The following ROBO2 variants were observed in gnomAD, a reference collection of about 807,000 sequenced individuals.
ROBO2 encodes the protein roundabout homolog 2.
A neutral mutation model predicts 160.8 loss-of-function variants in ROBO2; 53 were observed. The observed-to-expected ratio is 0.33, with a 90% CI of 0.26 to 0.41. The LOEUF is 0.41. ROBO2 is among the 10% of genes least tolerant of loss of function. The pLI is 1.00. For missense variants in ROBO2, 1,577 were observed against 1,722.4 expected (o/e 0.92, Z 1.49); for synonymous variants, 664 against 611.7 (o/e 1.09, Z -1.26).
chr3:76,117,932 C>T (rs185623093), intron 2 of ROBO2, among the ~76,000 whole-genome samples: 242 of 151,702 alleles, frequency 1.6e-3, no homozygotes, highest in Middle Eastern at 3.4e-3. Context: ...CAAGAAAGAG[C>T]AACATTTTGC....
chr3:77,240,751 C>T (rs1214695633), intron 2 of ROBO2, among the ~76,000 whole-genome samples: 2 of 152,212 alleles, frequency 1.3e-5, no homozygotes, highest in Non-Finnish European at 2.9e-5. Context: ...TTCTTTACTG[C>T]CTTTCAGAAA....
At chr3:76,291,012 T>G (rs1375500986) in intron 2 of ROBO2, among the ~76,000 whole-genome samples, 1 of 152,140 alleles carries the variant, frequency 6.6e-6, no homozygotes, top group Non-Finnish European at 1.5e-5. Flanking sequence ...TCTTTGTTAT[T>G]GTGTCTCTGC....
chr3:77,482,637 G>T (rs1352119342), intron 4 of ROBO2, among the ~76,000 whole-genome samples: 3 of 152,126 alleles, frequency 2.0e-5, no homozygotes, highest in Non-Finnish European at 4.4e-5. Context: ...TTTCTATCCT[G>T]CAGAGCTCAG....
chr3:76,472,100 T>TGTGA (rs1491261065), intron 2 of ROBO2, among the ~76,000 whole-genome samples: 1 of 111,018 alleles, frequency 9.0e-6, no homozygotes, highest in Non-Finnish European at 2.0e-5. Context: ...TGTGTGTGTG[T>TGTGA]GCGCGTGTGC....
At position 76,102,926 on chromosome 3, in the gene ROBO2, G is replaced by A. The variant is rs148828582; in HGVS notation, c.109+165324G>A. ...TGCAAGCTCTGCCTCCCGGGTTCACGCCGTTCTCCTGCCTCAGCCTCCCAA... is the reference window on the plus strand; with the variant it reads ...TGCAAGCTCTGCCTCCCGGGTTCACACCGTTCTCCTGCCTCAGCCTCCCAA... On this transcript the variant is annotated intron_variant, in intron 2 of 26. Transcript: ENST00000487694. Among the ~76,000 whole-genome samples, 1,083 of 151,860 alleles carry A rather than the reference G, an allele frequency of 7.1e-3. 64 individuals carry two copies. In the East Asian group the frequency reaches 0.16, roughly 22 times the overall value.
chr3:76,814,531 G>A (rs1288463393), intron 2 of ROBO2, among the ~76,000 whole-genome samples: 1 of 152,034 alleles, frequency 6.6e-6, no homozygotes, highest in Non-Finnish European at 1.5e-5. Flanking sequence ...GCAGCTAAAC[G>A]TGGTTTGTGC....
intron 2 of ROBO2, among the ~76,000 whole-genome samples, chr3:76,068,174 T>C (rs556047130): frequency 4.6e-5 from 7 of 152,218 alleles, no homozygotes; most frequent in Admixed American, 2.0e-4. Flanking sequence ...AGTACAGACT[T>C]TGCAGGTAGA....
At chr3:77,016,880 C>T (rs577967118) in intron 2 of ROBO2, among the ~76,000 whole-genome samples, 11 of 152,044 alleles carry the variant, frequency 7.2e-5, no homozygotes, top group African/African-American at 9.7e-5. Flanking sequence ...TCTATATGTA[C>T]GTGAAAGTCG....
At chr3:77,256,774 G>T (rs944615270) in intron 2 of ROBO2, among the ~76,000 whole-genome samples, 36 of 152,158 alleles carry the variant, frequency 2.4e-4, no homozygotes, top group Non-Finnish European at 5.0e-4. Context: ...ACAAACTCTG[G>T]CAGTGTCTGA....
At chr3:76,507,984 G>T (rs939707890) in intron 2 of ROBO2, among the ~76,000 whole-genome samples, 36 of 152,162 alleles carry the variant, frequency 2.4e-4, no homozygotes, top group Non-Finnish European at 4.9e-4. Flanking sequence ...TCCTCAGGAT[G>T]TCTTCCTCTT....
At chr3:77,458,851 AT>A (rs1367779891) in intron 2 of ROBO2, among the ~76,000 whole-genome samples, 1 of 152,170 alleles carries the variant, frequency 6.6e-6, no homozygotes, top group Non-Finnish European at 1.5e-5. Context: ...TCATCACAAT[AT>A]TTTTAAAGTA....
chr3:77,576,957 G>A (rs113276114), intron 14 of ROBO2, among the ~76,000 whole-genome samples: 4,297 of 152,194 alleles, frequency 0.028, 86 homozygotes, highest in Admixed American at 0.066. Context: ...TAATGCCACC[G>A]TTCAGAAATA....
At chr3:76,731,354 CATT>C (rs1044668954) in intron 2 of ROBO2, among the ~76,000 whole-genome samples, 1 of 152,176 alleles carries the variant, frequency 6.6e-6, no homozygotes. Flanking sequence ...CAGAACTTCT[CATT>C]GTTGTTGTAG....
chr3:77,015,577 A>T (rs1315932109), intron 2 of ROBO2, among the ~76,000 whole-genome samples: 1 of 152,244 alleles, frequency 6.6e-6, no homozygotes, highest in Non-Finnish European at 1.5e-5. Context: ...ATCATAAAAA[A>T]TCAATGAATT....
chr3:76,805,179 C>T (rs2064579298), intron 2 of ROBO2, among the ~76,000 whole-genome samples: 1 of 152,002 alleles, frequency 6.6e-6, no homozygotes. Flanking sequence ...TTTTAACTGA[C>T]TTCTTTTTCC....
At chr3:76,964,491 C>T (rs1455481511) in intron 2 of ROBO2, among the ~76,000 whole-genome samples, 7 of 152,010 alleles carry the variant, frequency 4.6e-5, no homozygotes, top group African/African-American at 1.4e-4. Context: ...TACAGGCACA[C>T]GCCACCATGC....
At chr3:77,098,889 T>A (rs1159021198) in intron 2 of ROBO2, among the ~76,000 whole-genome samples, 1 of 151,088 alleles carries the variant, frequency 6.6e-6, no homozygotes, top group Non-Finnish European at 1.5e-5. Context: ...CAAACAATTA[T>A]GCCTTAAAAT....
chr3:76,715,374 A>C (rs1434126180), intron 2 of ROBO2, among the ~76,000 whole-genome samples: 2 of 152,220 alleles, frequency 1.3e-5, no homozygotes, highest in East Asian at 1.9e-4. Flanking sequence ...CATTCAACAA[A>C]GATGGACTCA....
chr3:76,971,807 G>A (rs754854949), intron 2 of ROBO2, among the ~76,000 whole-genome samples: 1 of 152,160 alleles, frequency 6.6e-6, no homozygotes, highest in Non-Finnish European at 1.5e-5. Context: ...CTATTCACTT[G>A]ATTCAACTCA....
Sources: allele counts gnomAD v4.1 joint callset (sites outside exome capture counted in the v4.1 genomes callset), GRCh38; gene constraint gnomAD v4.1.1; transcripts MANE v1.5; gene names NCBI Gene and HGNC (gene_info 2026-07-23, HGNC 2026-07-21).